PDZRN4: variants seen among roughly 807,000 people sequenced by gnomAD.
PDZRN4 encodes the protein PDZ domain-containing RING finger protein 4.
In PDZRN4, 70 loss-of-function variants were observed where a neutral mutation model predicts 99.0. The ratio of observed to expected loss-of-function variants is 0.71; its 90% confidence interval spans 0.58 to 0.86. PDZRN4 has a LOEUF of 0.86. Among genes scored for constraint, PDZRN4 ranks in the 40% least tolerant of loss-of-function variants. PDZRN4 has a pLI of 0.00. For synonymous variants in PDZRN4, 551 were observed against 501.6 expected, an observed-to-expected ratio of 1.10 and a Z score of -1.32; for missense variants, 1,474 against 1,331.2, an observed-to-expected ratio of 1.11 and a Z score of -1.67.
intron 3 of PDZRN4, among the ~76,000 whole-genome samples, chr12:41,283,627 C>T (rs1419069996): frequency 8.5e-5 from 13 of 152,080 alleles, no homozygotes; most frequent in Admixed American, 4.6e-4. Flanking sequence ...ACTGGCAAAC[C>T]GAATCCAGCA....
chr12:41,439,797 A>C (rs75361135), intron 3 of PDZRN4, among the ~76,000 whole-genome samples: 4 of 152,194 alleles, frequency 2.6e-5, no homozygotes, highest in African/African-American at 9.6e-5. Flanking sequence ...ATGAAGTATT[A>C]GCTTCCATTT....
intron 3 of PDZRN4, among the ~76,000 whole-genome samples, chr12:41,264,683 T>G (rs1371484103): frequency 6.6e-6 from 1 of 152,230 alleles, no homozygotes; most frequent in Non-Finnish European, 1.5e-5. Flanking sequence ...ATTCTAAATT[T>G]GAATTTAAAT....
At chr12:41,418,520 AT>A (rs1008279351) in intron 3 of PDZRN4, among the ~76,000 whole-genome samples, 7 of 152,306 alleles carry the variant, frequency 4.6e-5, no homozygotes, top group Middle Eastern at 3.4e-3. Flanking sequence ...CTTAAAAAAA[AT>A]GTGTGATCAT....
chr12:41,264,097 C>CT (rs1444356505), intron 3 of PDZRN4, among the ~76,000 whole-genome samples: 4 of 152,028 alleles, frequency 2.6e-5, no homozygotes, highest in Non-Finnish European at 5.9e-5. Context: ...GAGAAAAAAC[C>CT]TATGGAAATT....
chr12:41,519,114 A>G (rs1938450534), intron 5 of PDZRN4, among the ~76,000 whole-genome samples: 1 of 152,096 alleles, frequency 6.6e-6, no homozygotes, highest in Non-Finnish European at 1.5e-5. Context: ...AAGGTTGAAA[A>G]AAAACAGATA....
intron 3 of PDZRN4, among the ~76,000 whole-genome samples, chr12:41,469,924 C>T (rs1018574956): frequency 9.2e-5 from 14 of 151,420 alleles, no homozygotes; most frequent in South Asian, 4.2e-4. Flanking sequence ...AGCGAGACTC[C>T]ATCTCAAAAA....
intron 3 of PDZRN4, among the ~76,000 whole-genome samples, chr12:41,456,211 A>G (rs540315965): frequency 2.0e-5 from 3 of 152,280 alleles, no homozygotes; most frequent in African/African-American, 7.2e-5. Flanking sequence ...TATCCCAGTT[A>G]TACCTTGCTC....
intron 3 of PDZRN4, among the ~76,000 whole-genome samples, chr12:41,237,918 T>C (rs2120775236): frequency 6.6e-6 from 1 of 152,290 alleles, no homozygotes; most frequent in Non-Finnish European, 1.5e-5. Flanking sequence ...TCCAGCTTTG[T>C]TCTTTTTGCT....
intron 3 of PDZRN4, among the ~76,000 whole-genome samples, chr12:41,327,565 A>C (rs1249691269): frequency 6.6e-6 from 1 of 152,196 alleles, no homozygotes; most frequent in Non-Finnish European, 1.5e-5. Context: ...TAGCTTGTGA[A>C]GTAGAGGATA....
intron 3 of PDZRN4, among the ~76,000 whole-genome samples, chr12:41,257,426 C>T (rs1048888829): frequency 2.1e-4 from 32 of 152,318 alleles, no homozygotes; most frequent in African/African-American, 7.2e-4. Flanking sequence ...GCCCTGCCTT[C>T]TAATACCATC....
At chr12:41,340,468 G>A (rs912362625) in intron 3 of PDZRN4, among the ~76,000 whole-genome samples, 1 of 151,686 alleles carries the variant, frequency 6.6e-6, no homozygotes, top group African/African-American at 2.4e-5. Flanking sequence ...GTAGGGATGG[G>A]TAATGGGAAG....
intron 3 of PDZRN4, among the ~76,000 whole-genome samples, chr12:41,498,916 C>T (rs974011064): frequency 4.6e-5 from 7 of 152,024 alleles, no homozygotes; most frequent in African/African-American, 1.7e-4. Context: ...TTAGTTCTTG[C>T]CACATTTTTG....
At chr12:41,438,830 C>A (rs550535611) in intron 3 of PDZRN4, among the ~76,000 whole-genome samples, 36 of 152,244 alleles carry the variant, frequency 2.4e-4, no homozygotes, top group Admixed American at 9.2e-4. Context: ...TGCTCAAGTT[C>A]GAATTTCTTA....
chr12:41,274,356 G>A (rs1366115333), intron 3 of PDZRN4, among the ~76,000 whole-genome samples: 1 of 152,004 alleles, frequency 6.6e-6, no homozygotes, highest in African/African-American at 2.4e-5. Flanking sequence ...AATAGATATG[G>A]CACAAAGGTG....
chr12:41,518,254 T>C (rs1013594308), intron 5 of PDZRN4, among the ~76,000 whole-genome samples: 1 of 152,084 alleles, frequency 6.6e-6, no homozygotes, highest in African/African-American at 2.4e-5. Flanking sequence ...TGTAACTGAA[T>C]ATAAATAAAA....
intron 7 of PDZRN4, among the ~76,000 whole-genome samples, chr12:41,556,878 G>A (rs182970034): frequency 8.6e-5 from 13 of 151,480 alleles, no homozygotes; most frequent in Admixed American, 2.0e-4. Flanking sequence ...GGCCAGGCCC[G>A]GTGGCTCACG....
intron 3 of PDZRN4, among the ~76,000 whole-genome samples, chr12:41,267,674 CAAAA>C (rs5797720): frequency 3.6e-4 from 50 of 139,140 alleles, no homozygotes; most frequent in African/African-American, 1.2e-3. Flanking sequence ...ACTAAAAATA[CAAAA>C]AAAAAAAAAA....
chr12:41,362,576 G>A (rs1184781582), intron 3 of PDZRN4, among the ~76,000 whole-genome samples: 1 of 152,006 alleles, frequency 6.6e-6, no homozygotes, highest in Non-Finnish European at 1.5e-5. Context: ...TAATGATCCT[G>A]CAAGTTTAGC....
At chr12:41,425,296 G>T (rs892759817) in intron 3 of PDZRN4, among the ~76,000 whole-genome samples, 3 of 151,462 alleles carry the variant, frequency 2.0e-5, no homozygotes, top group Non-Finnish European at 4.4e-5. Flanking sequence ...AAACAAGCTG[G>T]TAGGAAGGTA....
Sources: allele counts gnomAD v4.1 joint callset (sites outside exome capture counted in the v4.1 genomes callset), GRCh38; gene constraint gnomAD v4.1.1; transcripts MANE v1.5; gene names NCBI Gene and HGNC (gene_info 2026-07-23, HGNC 2026-07-21).